Variants in C1orf52 observed in about 807,000 individuals in gnomAD.
C1orf52 encodes chromosome 1 open reading frame 52.
C1orf52 carries 5 observed loss-of-function variants against 17.2 expected under a neutral mutation model. The ratio of observed to expected loss-of-function variants is 0.29; its 90% CI spans 0.15 to 0.61. The LOEUF (loss-of-function observed/expected upper bound fraction) is 0.61. Among genes scored for constraint, C1orf52 ranks in the 20% least tolerant of loss-of-function variants. The pLI is 0.85. For missense variants in C1orf52, 245 were observed against 234.1 expected, an observed-to-expected ratio of 1.05 and a Z score of -0.30; for synonymous variants, 110 against 88.0, an observed-to-expected ratio of 1.25 and a Z score of -1.40.
At chr1:85,252,879 T>G (rs539085996) in intron 2 of C1orf52, among the ~76,000 whole-genome samples, 177 bp from the exon 3 acceptor site, 2 of 152,250 alleles carry the variant, frequency 1.3e-5, no homozygotes, top group African/African-American at 4.8e-5. Flanking sequence ...TAAATGCAAG[T>G]GAAAGTGAGC....
At chr1:85,257,319 T>G in intron 2 of C1orf52, 1 of 628,424 alleles carries the variant, frequency 1.6e-6, no homozygotes, top group Non-Finnish European at 2.9e-6. Flanking sequence ...TTATTAGAGG[T>G]GATACCTGAG....
intron 2 of C1orf52, chr1:85,257,592 T>C (rs1003234239): frequency 4.6e-6 from 3 of 649,852 alleles, no homozygotes; most frequent in South Asian, 1.8e-5. Flanking sequence ...ATACGACTTT[T>C]AGAAACTCAA....
At chr1:85,252,732 A>G in intron 2 of C1orf52, 30 bp from the exon 3 acceptor site, 2 of 1,546,170 alleles carry the variant, frequency 1.3e-6, no homozygotes, top group Non-Finnish European at 1.8e-6. Flanking sequence ...AGTTTCAATC[A>G]GTAATTTTAA....
intron 2 of C1orf52, chr1:85,257,317 GGT>G (rs2100734112): frequency 1.6e-6 from 1 of 629,502 alleles, no homozygotes; most frequent in African/African-American, 1.9e-5. Flanking sequence ...AATTATTAGA[GGT>G]GATACCTGAG....
chr1:85,259,415 G>A lies in C1orf52; in HGVS notation c.219C>T (p.Tyr73=), dbSNP rs765435887. 1.2e-6 allele frequency: 2 copies of A among 1,614,120 alleles called. No individual in the cohort carries two copies. Among genetic ancestry groups the A allele is most frequent in the South Asian group, 2.2e-5 (2 of 91,070 alleles). Residue 73 remains tyrosine, a synonymous_variant, in exon 1 of 3, where the codon TAC becomes TAT. Transcript: ENST00000471115. ...AGTCTATCTGTTTGTTGAGCGGATT[G>A]TAGAGAAAGGCCGGGCGAGTCACGC... ...FRSVTRPAFL[Y]NPLNKQIDWE...
chr1:85,259,078 G>A, intron 1 of C1orf52: 3 of 1,341,794 alleles, frequency 2.2e-6, no homozygotes, highest in Non-Finnish European at 2.9e-6. Context: ...CGGGGGGGGC[G>A]GGGGAGTCAC....
intron 2 of C1orf52, among the ~76,000 whole-genome samples, chr1:85,253,229 C>A (rs1659843593): frequency 6.6e-6 from 1 of 152,186 alleles, no homozygotes; most frequent in Admixed American, 6.5e-5. Context: ...ATAGTATTTA[C>A]ATTGTATATA....
intron 2 of C1orf52, 87 bp from the exon 3 acceptor site, chr1:85,252,789 AATT>A (rs1659831981): frequency 1.3e-6 from 1 of 797,008 alleles, no homozygotes; most frequent in Non-Finnish European, 2.1e-6. Flanking sequence ...TTTATACCAA[AATT>A]ATTACCCTCA....
At chr1:85,255,327 G>C (rs1168618972) in intron 2 of C1orf52, among the ~76,000 whole-genome samples, 3 of 152,070 alleles carry the variant, frequency 2.0e-5, no homozygotes, top group African/African-American at 7.2e-5. Flanking sequence ...TGAAGCGGGC[G>C]GATCACGAGG....
Position 85,255,892 on chromosome 1 carries a change from C to T in C1orf52, c.475+2632G>A, listed in dbSNP as rs139527207. Reference sequence around the variant, plus strand: ...AAGGACCATCATGTGATCAAAAAGACAGAAATTATCTATGTGAATAGCAGT... The same window carrying T: ...AAGGACCATCATGTGATCAAAAAGATAGAAATTATCTATGTGAATAGCAGT... On this transcript the variant is annotated intron_variant, in intron 2 of 2. Coordinates refer to ENST00000471115, the MANE Select transcript of C1orf52 (RefSeq NM_198077.4). Among the ~76,000 whole-genome samples the T allele has an allele frequency of 2.0e-3, 308 of 152,298 alleles. 1 individual carries two copies. Among genetic ancestry groups the T allele is most frequent in the African/African-American group, 7.1e-3 (294 of 41,574 alleles).
At position 85,259,646 on chromosome 1, in the gene C1orf52, C is replaced by T. The variant is rs1314573163; in HGVS notation, c.-13G>A. ...CCTCCGCTGCCATGACGGCTGCGAG[C>T]GACAACCCAGCACTCCGCCGGAAGC... On this transcript the variant is annotated 5_prime_UTR_variant, in exon 1 of 3. Transcript: ENST00000471115. The T allele has an allele frequency of 6.5e-7, 1 of 1,530,208 alleles. No homozygotes were observed. The highest frequency in any genetic ancestry group is 8.8e-7 in the Non-Finnish European group (1 of 1,136,068). 94.8% of individuals were successfully genotyped at this position (1,530,208 alleles called of 1,614,324 possible). A position where few individuals can be genotyped will look rare whatever the true frequency, so the allele number is the denominator to read the frequency against.
At chr1:85,255,475 G>A (rs1052564442) in intron 2 of C1orf52, among the ~76,000 whole-genome samples, 30 of 150,920 alleles carry the variant, frequency 2.0e-4, no homozygotes, top group African/African-American at 6.8e-4. Flanking sequence ...GCTTGAACCC[G>A]GGAGGCGGAG....
Position 85,259,637 on chromosome 1 carries a change from G to C in C1orf52, c.-4C>G, listed in dbSNP as rs76256652. The C allele has an allele frequency of 9.7e-6, 15 of 1,541,078 alleles. No individual in the cohort carries two copies. Among genetic ancestry groups the C allele is most frequent in the Middle Eastern group, 3.9e-4 (2 of 5,194 alleles). On this transcript the variant is annotated 5_prime_UTR_variant, in exon 1 of 3. Coordinates refer to ENST00000471115, the MANE Select transcript of C1orf52 (RefSeq NM_198077.4). Reference sequence around the variant, plus strand: ...GGTCCTTCTCCTCCGCTGCCATGACGGCTGCGAGCGACAACCCAGCACTCC... The same window carrying C: ...GGTCCTTCTCCTCCGCTGCCATGACCGCTGCGAGCGACAACCCAGCACTCC...
chr1:85,250,655 G>GA lies in C1orf52; in HGVS notation c.*1973dup, dbSNP rs1403284172. On this transcript the variant is annotated 3_prime_UTR_variant, in exon 3 of 3. Transcript: ENST00000471115. ...CTCTGCACATCTCCCAGGAAAGAGAGAAAAAAGTTTGCTTTCATGCTAACT... is the reference window on the plus strand; with the variant it reads ...CTCTGCACATCTCCCAGGAAAGAGAGAAAAAAAGTTTGCTTTCATGCTAACT... 6.6e-6 allele frequency: 1 copy of GA among 152,186 alleles called. No homozygotes were observed. Among genetic ancestry groups the GA allele is most frequent in the Non-Finnish European group, 1.5e-5 (1 of 68,024 alleles). The allele number at this position is 152,186 out of a possible 1,614,324, so 9.4% of individuals were successfully genotyped here. A position where few individuals can be genotyped will look rare whatever the true frequency, so the allele number is the denominator to read the frequency against.
intron 1 of C1orf52, chr1:85,258,936 A>G: frequency 7.1e-7 from 1 of 1,408,478 alleles, no homozygotes; most frequent in Non-Finnish European, 9.2e-7. Flanking sequence ...TTTAGTTACC[A>G]AAGAAGAATC....
chr1:85,258,726 T>C lies in C1orf52; in HGVS notation c.277-4A>G. 6.2e-7 allele frequency: 1 copy of C among 1,601,204 alleles called. No individual in the cohort carries two copies. Among genetic ancestry groups the C allele is most frequent in the East Asian group, 2.2e-5 (1 of 44,724 alleles). On this transcript the variant is annotated splice_region_variant and splice_polypyrimidine_tract_variant and intron_variant, in intron 1 of 2. Coordinates refer to ENST00000471115, the MANE Select transcript of C1orf52 (RefSeq NM_198077.4). ...ATATTTTGAATTCCTTTGGAGGCTG[T>C]TAAGCAAGCACATTAAGAAGCACTG... is the stretch of plus-strand genomic sequence containing the variant.
In C1orf52 at chr1:85,251,559, G is replaced by A. The variant is rs1353734755; in HGVS notation, c.*1070C>T. 1.3e-5 allele frequency: 2 copies of A among 152,084 alleles called. No homozygotes were observed. The highest frequency in any genetic ancestry group is 4.8e-5 in the African/African-American group (2 of 41,406). 9.4% of individuals were successfully genotyped at this position (152,084 alleles called of 1,614,324 possible). ...TACGCAAAGCATTAAAATAGAAGCT[G>A]GGTAGAGAAAACATGTAGAAGTAGG... On this transcript the variant is annotated 3_prime_UTR_variant, in exon 3 of 3. Coordinates refer to ENST00000471115, the MANE Select transcript of C1orf52 (RefSeq NM_198077.4).
At chr1:85,257,691 CTAT>C (rs1659978569) in intron 2 of C1orf52, among the ~76,000 whole-genome samples, 1 of 152,196 alleles carries the variant, frequency 6.6e-6, no homozygotes, top group African/African-American at 2.4e-5. Context: ...CGAAATTATG[CTAT>C]TATGAACTAA....
chr1:85,256,246 G>C (rs1037457290), intron 2 of C1orf52, among the ~76,000 whole-genome samples: 2 of 152,182 alleles, frequency 1.3e-5, no homozygotes, highest in African/African-American at 4.8e-5. Context: ...TTAGCTGCGT[G>C]AATGAATTTG....
Sources: gnomAD v4.1 joint callset for allele counts (sites outside exome capture counted in the v4.1 genomes callset) on GRCh38, gnomAD v4.1.1 for gene constraint, MANE v1.5 for transcripts, NCBI Gene and HGNC (gene_info 2026-07-23, HGNC 2026-07-21) for gene names.